MUC5B: variants seen among roughly 807,000 people sequenced by gnomAD.
MUC5B encodes the protein mucin-5B.
A neutral mutation model predicts 376.9 loss-of-function variants in MUC5B; 116 were observed. The observed-to-expected ratio is 0.31, with a 90% CI of 0.26 to 0.36. MUC5B has a LOEUF of 0.36. Ranked by LOEUF, MUC5B falls within the 10% of genes least tolerant of loss-of-function variation. The pLI is 1.00. For synonymous variants in MUC5B, 3,517 were observed against 3,390.9 expected (o/e 1.04, Z -1.29); for missense variants, 7,165 against 7,769.9 (o/e 0.92, Z 2.93).
chr11:1,252,609 G>A lies in MUC5B; in HGVS notation c.15045+85G>A. ...GGCACAGCCACAGTCCAGCTCCCGA[G>A]GCCCGTCTCAGTGACCCCGCCGCCA... On this transcript the variant is annotated intron_variant, in intron 32 of 48. Coordinates refer to ENST00000529681, the MANE Select transcript of MUC5B (RefSeq NM_002458.3). 3.5e-6 allele frequency: 5 copies of A among 1,417,778 alleles called. No homozygotes were observed. The South Asian group carries it at 4.3e-5, about 12-fold the overall frequency. The allele number at this position is 1,417,778 out of a possible 1,614,324, so 87.8% of individuals were successfully genotyped here. A position where few individuals can be genotyped will look rare whatever the true frequency, so the allele number is the denominator to read the frequency against.
chr11:1,243,065 C>G lies in MUC5B; in HGVS notation c.6185C>G (p.Thr2062Ser). 23 of 1,612,144 alleles carry G rather than the reference C, an allele frequency of 1.4e-5. 2 individuals are homozygous for G. The highest frequency in any genetic ancestry group is 2.0e-5 in the Non-Finnish European group (23 of 1,178,950). The change falls in exon 31 of 49, where the codon ACC becomes AGC. Residue 2062 changes from threonine (T) to serine (S), a missense_variant. By Grantham distance (58) the Thr-to-Ser change is moderately conservative (BLOSUM62 1). Transcript: ENST00000529681. ...ACCACAACCACGGGCTTCACAGCCA[C>G]CCCCTCCTCCAGCCCAGGGACGGCA... is the stretch of plus-strand genomic sequence containing the variant. ...PTTTTTGFTA[T>S]PSSSPGTALT...
chr11:1,241,686 C>T lies in MUC5B; in HGVS notation c.4806C>T (p.His1602=), dbSNP rs1360105772. 1.9e-6 allele frequency: 3 copies of T among 1,612,396 alleles called. No homozygotes were observed. Among genetic ancestry groups the T allele is most frequent in the East Asian group, 4.5e-5 (2 of 44,852 alleles). The change falls in exon 31 of 49, where the codon CAC becomes CAT. Residue 1602 remains histidine, a synonymous_variant. Coordinates refer to ENST00000529681, the MANE Select transcript of MUC5B (RefSeq NM_002458.3). ...GGGTCCTCTGCTGCAGTGACGACCA[C>T]TGCAGGGGACGTGCCACAACCCCGC... ...RIRVLCCSDD[H]CRGRATTPPP...
At position 1,227,785 on chromosome 11, in the gene MUC5B, A is replaced by G. The variant is rs999662627; in HGVS notation, c.774+4A>G. On this transcript the variant is annotated splice_donor_region_variant and intron_variant, in intron 7 of 48. Coordinates refer to ENST00000529681, the MANE Select transcript of MUC5B (RefSeq NM_002458.3). ...GGCCGGCAACTGCACGGACGAGGTG[A>G]GTCCCCCGCCACCCCCAGCTCCTGG... 4 of 704,714 alleles carry G rather than the reference A, an allele frequency of 5.7e-6. No individual in the cohort carries two copies. The Admixed American group carries it at 8.0e-5, about 14-fold the overall frequency. The allele number at this position is 704,714 out of a possible 1,614,324, so 43.7% of individuals were successfully genotyped here. A position where few individuals can be genotyped will look rare whatever the true frequency, so the allele number is the denominator to read the frequency against.
At chr11:1,231,364 C>T in intron 13 of MUC5B, 59 bp from the exon 14 acceptor site, 1 of 1,533,332 alleles carries the variant, frequency 6.5e-7, no homozygotes, top group Non-Finnish European at 8.8e-7. Flanking sequence ...CCTGCCCCTC[C>T]AATCTAGCCA....
chr11:1,244,326 C>T lies in MUC5B; in HGVS notation c.7446C>T (p.Ala2482=). The change falls in exon 31 of 49, where the codon GCC becomes GCT. Residue 2482 remains alanine, a synonymous_variant. Transcript: ENST00000529681. The stretch of plus-strand genomic sequence containing the variant: ...TGACGGTGCCCACCGGATCCACGGC[C>T]ACCGCCTCCTCCACCCAGGCAACTG... ...ATVTVPTGST[A]TASSTQATAG... is the part of the protein sequence containing the mutation. The T allele has an allele frequency of 1.2e-6, 2 of 1,603,012 alleles. No homozygotes were observed.
At chr11:1,254,054 C>T (rs779846651) in intron 33 of MUC5B, 38 bp from the exon 34 acceptor site, 11 of 1,593,118 alleles carry the variant, frequency 6.9e-6, no homozygotes, top group Non-Finnish European at 8.5e-6. Context: ...GAGGGCACCA[C>T]CACGGAGCCT....
In MUC5B at chr11:1,228,555, G is replaced by A; in HGVS notation, c.775-9G>A. 1 of 1,509,106 alleles carries A rather than the reference G, an allele frequency of 6.6e-7. No individual in the cohort carries two copies. The highest frequency in any genetic ancestry group is 8.9e-7 in the Non-Finnish European group (1 of 1,128,766). The allele number at this position is 1,509,106 out of a possible 1,614,324, so 93.5% of individuals were successfully genotyped here. A position where few individuals can be genotyped will look rare whatever the true frequency, so the allele number is the denominator to read the frequency against. ...AGGGGTGCCCAGCCTGGCCCACTGT[G>A]CTCCCCAGGAGGGCATCTGCCACCG... On this transcript the variant is annotated splice_polypyrimidine_tract_variant and intron_variant, in intron 7 of 48. Coordinates refer to ENST00000529681, the MANE Select transcript of MUC5B (RefSeq NM_002458.3).
At position 1,249,137 on chromosome 11, in the gene MUC5B, C is replaced by T. The variant is rs1230064055; in HGVS notation, c.12257C>T (p.Thr4086Ile). The T allele has an allele frequency of 1.2e-5, 19 of 1,611,394 alleles. No individual in the cohort carries two copies. Among genetic ancestry groups the T allele is most frequent in the African/African-American group, 1.1e-4 (8 of 74,854 alleles). The change falls in exon 31 of 49, where the codon ACC becomes ATC. Residue 4086 changes from threonine to isoleucine, a missense_variant. Thr to Ile is a moderately conservative substitution (Grantham distance 89). Transcript: ENST00000529681. ...TCACCCCCTTCCCCAGGGACGACCA[C>T]CCCGGGCCACACCACGGCCACCTCC... ...TESPPSPGTT[T>I]PGHTTATSRT...
Position 1,236,960 on chromosome 11 carries a change from C to T in MUC5B, c.3093C>T (p.Asp1031=), listed in dbSNP as rs752427239. 1.2e-5 allele frequency: 18 copies of T among 1,523,210 alleles called. No homozygotes were observed. In the South Asian group the frequency reaches 2.2e-4, roughly 19 times the overall value. The allele number at this position is 1,523,210 out of a possible 1,614,324, so 94.4% of individuals were successfully genotyped here. A position where few individuals can be genotyped will look rare whatever the true frequency, so the allele number is the denominator to read the frequency against. Residue 1031 remains aspartate (D), a synonymous_variant, in exon 25 of 49, where the codon GAC becomes GAT. Coordinates refer to ENST00000529681, the MANE Select transcript of MUC5B (RefSeq NM_002458.3). ...RVCGLCGNFD[D]NAINDFATRS... is the part of the protein sequence containing the mutation. ...GCGGCCTGTGCGGGAACTTCGACGA[C>T]AATGCCATCAATGACTTTGCCACGC... is the stretch of plus-strand genomic sequence containing the variant.
chr11:1,232,489 C>T lies in MUC5B; in HGVS notation c.1883C>T (p.Pro628Leu), dbSNP rs201263128. ...CACTGGTGCTCGCGCCTGACCGATC[C>T]CAACAGTGCCTTCTCGCGCTGCCAC... ...ARHWCSRLTDPNSAFSRCHSI... is the reference protein window; with the variant it reads ...ARHWCSRLTDLNSAFSRCHSI... The change falls in exon 16 of 49, where the codon CCC (proline) becomes CTC (leucine). Residue 628 changes from proline (P) to leucine (L), a missense_variant. Pro to Leu is a moderately conservative substitution (Grantham distance 98). Around this residue, in one of 31 missense-constraint regions of MUC5B, gnomAD observed 530 missense variants for 604.0 expected, o/e 0.88. Coordinates refer to ENST00000529681, the MANE Select transcript of MUC5B (RefSeq NM_002458.3). 3.6e-4 allele frequency: 575 copies of T among 1,610,840 alleles called. No individual in the cohort carries two copies. Among genetic ancestry groups the T allele is most frequent in the Non-Finnish European group, 4.6e-4 (547 of 1,179,182 alleles).
rs1018300916 is a variant in MUC5B at position 1,253,664 on chromosome 11, C to T, written c.15218-428C>T. On this transcript the variant is annotated intron_variant, in intron 33 of 48. Transcript: ENST00000529681. The surrounding 1 kb of genome is among the most constrained non-coding windows in gnomAD (Gnocchi z 4.3). ...GTCTGGGGAGGTCCTTCCTGCCTCT[C>T]CCAGCTTTGGGGACTCCAGGTGTCC... 6.6e-6 allele frequency among the ~76,000 whole-genome samples: 1 copy of T among 152,114 alleles called. No individual in the cohort carries two copies. The highest frequency in any genetic ancestry group is 2.4e-5 in the African/African-American group (1 of 41,406).
chr11:1,233,174 G>A lies in MUC5B; in HGVS notation c.2227G>A (p.Ala743Thr), dbSNP rs1862071314. 3 of 1,604,794 alleles carry A rather than the reference G, an allele frequency of 1.9e-6. No individual in the cohort carries two copies. The highest frequency in any genetic ancestry group is 2.5e-6 in the Non-Finnish European group (3 of 1,178,822). ...CCCCGCGGGCACCTTCCTCAATGAC[G>A]CGGGCGCCTGTGTGCCCGCCCAGGA... The part of the protein sequence containing the change: ...TCPAGTFLND[A>T]GACVPAQECP... Residue 743 changes from alanine (A) to threonine (T), a missense_variant, in exon 18 of 49, where the codon GCG (alanine) becomes ACG (threonine). Ala to Thr is a moderately conservative substitution (Grantham distance 58, BLOSUM62 0). Coordinates refer to ENST00000529681, the MANE Select transcript of MUC5B (RefSeq NM_002458.3).
chr11:1,241,815 C>A lies in MUC5B; in HGVS notation c.4935C>A (p.Ala1645=). Residue 1645 remains alanine, a synonymous_variant, in exon 31 of 49, where the codon GCC becomes GCA. Coordinates refer to ENST00000529681, the MANE Select transcript of MUC5B (RefSeq NM_002458.3). The part of the protein sequence containing the change: ...SSPGLTRAPP[A]STTAVPTLSE... ...CGGGGCTGACCAGGGCTCCCCCGGC[C>A]AGCACCACAGCAGTCCCCACCCTCT... 6.2e-7 allele frequency: 1 copy of A among 1,613,078 alleles called. No homozygotes were observed. Among genetic ancestry groups the A allele is most frequent in the African/African-American group, 1.3e-5 (1 of 74,990 alleles).
intron 10 of MUC5B, 88 bp downstream of exon 10, chr11:1,229,895 G>C (rs1226704192): frequency 1.9e-6 from 3 of 1,545,574 alleles, no homozygotes; most frequent in East Asian, 2.4e-5. Flanking sequence ...TGGGGTGGGG[G>C]TGTGGAGCTC....
chr11:1,231,671 C>T, intron 14 of MUC5B, 111 bp downstream of exon 14: 1 of 1,333,858 alleles, frequency 7.5e-7, no homozygotes. Context: ...GGGGAGGGGG[C>T]TGCCCCCAGG....
chr11:1,240,504 A>G (rs1862256494), intron 30 of MUC5B, 129 bp downstream of exon 30: 2 of 890,960 alleles, frequency 2.2e-6, no homozygotes, highest in Non-Finnish European at 3.4e-6. Flanking sequence ...GGCTCTGTCT[A>G]GGGGTGCACG....
chr11:1,228,048 G>A (rs779146873), intron 7 of MUC5B, among the ~76,000 whole-genome samples: 23 of 152,220 alleles, frequency 1.5e-4, no homozygotes, highest in Non-Finnish European at 3.1e-4. Context: ...GGGCACTCGG[G>A]AAGCCCGGAG....
In MUC5B at chr11:1,242,086, G is replaced by A. The variant is rs185516481; in HGVS notation, c.5206G>A (p.Ala1736Thr). 126 of 1,611,164 alleles carry A rather than the reference G, an allele frequency of 7.8e-5. No homozygotes were observed. The East Asian group carries it at 2.1e-3, about 27-fold the overall frequency. Reference protein sequence around the residue: ...RARPTGTASTASKEPLTTSLA... With the variant: ...RARPTGTASTTSKEPLTTSLA... ...TCGCCCGACAGGCACAGCCAGCACCGCTTCCAAAGAGCCGCTGACCACGAG... is the reference window on the plus strand; with the variant it reads ...TCGCCCGACAGGCACAGCCAGCACCACTTCCAAAGAGCCGCTGACCACGAG... The change falls in exon 31 of 49, where the codon GCT (alanine) becomes ACT (threonine). Residue 1736 changes from alanine (A) to threonine (T), a missense_variant. Physicochemically the swap from Ala to Thr is moderately conservative, Grantham distance 58 (BLOSUM62 0). This residue lies in a region of MUC5B where 897 missense variants were observed against 779.6 expected (regional missense o/e 1.15). Coordinates refer to ENST00000529681, the MANE Select transcript of MUC5B (RefSeq NM_002458.3).
intron 25 of MUC5B, among the ~76,000 whole-genome samples, chr11:1,238,369 T>C (rs1480750462): frequency 6.6e-6 from 1 of 151,946 alleles, no homozygotes; most frequent in East Asian, 1.9e-4. Context: ...GGTGGTCGGA[T>C]GCTAGGATGT....
Sources: gnomAD v4.1 joint callset for allele counts (sites outside exome capture counted in the v4.1 genomes callset) on GRCh38, gnomAD v4.1.1 for gene constraint, gnomAD v4.1.1 regional missense constraint, Gnocchi (gnomAD v3.1) non-coding constraint, MANE v1.5 for transcripts, NCBI Gene and HGNC (gene_info 2026-07-23, HGNC 2026-07-21) for gene names.